The following FAM168A variants were observed in gnomAD, a reference collection of about 807,000 sequenced individuals.
FAM168A encodes protein FAM168A.
FAM168A carries 3 observed loss-of-function variants against 28.5 expected under a neutral mutation model. That is an observed-to-expected ratio of 0.11 (90% CI 0.05 to 0.27). The LOEUF (loss-of-function observed/expected upper bound fraction) is 0.27. Ranked by LOEUF, FAM168A falls within the 10% of genes least tolerant of loss-of-function variation. The pLI is 1.00. For missense variants in FAM168A, 222 were observed against 311.5 expected (o/e 0.71, Z 2.16); for synonymous variants, 122 against 124.2 (o/e 0.98, Z 0.12).
chr11:73,419,015 T>C (rs1242547898), intron 4 of FAM168A, among the ~76,000 whole-genome samples: 1 of 152,108 alleles, frequency 6.6e-6, no homozygotes, highest in African/African-American at 2.4e-5. Context: ...TTTCACCGTG[T>C]TAGCCAGGAT....
chr11:73,459,152 T>C (rs951743102), intron 2 of FAM168A, among the ~76,000 whole-genome samples: 3 of 151,558 alleles, frequency 2.0e-5, no homozygotes, highest in African/African-American at 7.3e-5. Flanking sequence ...GGCGTAATCA[T>C]GGCTCACTGC....
At chr11:73,540,847 T>C (rs1943644685) in intron 1 of FAM168A, among the ~76,000 whole-genome samples, 1 of 152,208 alleles carries the variant, frequency 6.6e-6, no homozygotes, top group Admixed American at 6.5e-5. Flanking sequence ...TGGTTACAAC[T>C]GTATCTCCAG....
chr11:73,521,121 G>A (rs1379785566), intron 1 of FAM168A, among the ~76,000 whole-genome samples: 2 of 152,200 alleles, frequency 1.3e-5, no homozygotes, highest in Non-Finnish European at 2.9e-5. Context: ...TAATAAGACT[G>A]ATTATAGCCT....
chr11:73,441,636 G>A (rs138128415), intron 2 of FAM168A, among the ~76,000 whole-genome samples: 6 of 152,272 alleles, frequency 3.9e-5, no homozygotes, highest in East Asian at 1.9e-4. Flanking sequence ...CACCAATGAC[G>A]CCATCTGGTC....
At chr11:73,486,216 T>G (rs1277120776) in intron 1 of FAM168A, among the ~76,000 whole-genome samples, 1 of 152,182 alleles carries the variant, frequency 6.6e-6, no homozygotes, top group African/African-American at 2.4e-5. Context: ...AACACAAAAT[T>G]GACTACTTTA....
intron 2 of FAM168A, among the ~76,000 whole-genome samples, chr11:73,456,778 G>A (rs995000901): frequency 6.6e-6 from 1 of 152,248 alleles, no homozygotes; most frequent in African/African-American, 2.4e-5. Context: ...GCAGTATGCA[G>A]AGGGAGAGTT....
intron 1 of FAM168A, among the ~76,000 whole-genome samples, chr11:73,508,040 T>C (rs1855149682): frequency 6.6e-6 from 1 of 152,188 alleles, no homozygotes; most frequent in Non-Finnish European, 1.5e-5. Context: ...TGTGTAATCT[T>C]GGGCATAGTT....
intron 3 of FAM168A, chr11:73,430,139 CAA>C (rs1421650797): frequency 1.3e-5 from 2 of 158,020 alleles, no homozygotes; most frequent in African/African-American, 2.4e-5. Context: ...TCAACATTTT[CAA>C]ACCCATTTCA....
In FAM168A at chr11:73,472,633, C is replaced by T. The variant is rs112930464; in HGVS notation, c.-18-4141G>A. 4.6e-4 allele frequency among the ~76,000 whole-genome samples: 70 copies of T among 152,188 alleles called. 1 individual carries two copies. Among genetic ancestry groups the T allele is most frequent in the African/African-American group, 1.6e-3 (67 of 41,516 alleles). ...AAAGCAAGAAGAGTAGTAGGGCAAT[C>T]GGGAGGTTTTAGAAACAGTTCAGAT... On this transcript the variant is annotated intron_variant, in intron 1 of 7. Coordinates refer to ENST00000356467, the MANE Select transcript of FAM168A (RefSeq NM_015159.3).
intron 4 of FAM168A, 106 bp downstream of exon 4, chr11:73,419,765 CATT>C: frequency 7.2e-7 from 1 of 1,394,938 alleles, no homozygotes; most frequent in Non-Finnish European, 9.7e-7. Context: ...CCTCTTAAAA[CATT>C]ATTTATCTCA....
At chr11:73,570,595 A>G (rs1944074491) in intron 1 of FAM168A, among the ~76,000 whole-genome samples, 1 of 152,114 alleles carries the variant, frequency 6.6e-6, no homozygotes, top group Non-Finnish European at 1.5e-5. Flanking sequence ...TTAGCTGGGC[A>G]TGATGGCATG....
intron 1 of FAM168A, among the ~76,000 whole-genome samples, chr11:73,494,052 T>G (rs1372569502): frequency 6.6e-6 from 1 of 152,074 alleles, no homozygotes; most frequent in Non-Finnish European, 1.5e-5. Context: ...ACCTATGGAG[T>G]GCCCCACTGG....
intron 1 of FAM168A, among the ~76,000 whole-genome samples, chr11:73,552,970 A>G (rs1565295539): frequency 6.6e-6 from 1 of 152,164 alleles, no homozygotes; most frequent in Non-Finnish European, 1.5e-5. Context: ...CAATCAATCA[A>G]TCAATCAATA....
intron 1 of FAM168A, among the ~76,000 whole-genome samples, chr11:73,571,185 G>A (rs1944081682): frequency 6.6e-6 from 1 of 150,684 alleles, no homozygotes; most frequent in Non-Finnish European, 1.5e-5. Flanking sequence ...CTAATACACT[G>A]CAGCATTCAG....
rs1159721290 is a variant in FAM168A, at chr11:73,548,078, GGAA to G, written c.-19+49842_-19+49844del. Among the ~76,000 whole-genome samples the G allele has an allele frequency of 5.3e-5, 8 of 152,282 alleles. No individual in the cohort carries two copies. In the South Asian group the frequency reaches 1.7e-3, roughly 32 times the overall value. On this transcript the variant is annotated intron_variant, in intron 1 of 7. Coordinates refer to ENST00000356467, the MANE Select transcript of FAM168A (RefSeq NM_015159.3). ...GTAAAATTGTGGTTGTCAGGAACTTGGAAGAAGGAGGAAGGGAGAGTTGTTGTT... is the reference window on the plus strand; with the variant it reads ...GTAAAATTGTGGTTGTCAGGAACTTGGAAGGAGGAAGGGAGAGTTGTTGTT...
In FAM168A at chr11:73,469,406, A is replaced by AT. The variant is rs556433251; in HGVS notation, c.-18-915dup. On this transcript the variant is annotated intron_variant, in intron 1 of 7. Transcript: ENST00000356467. ...ACTAGGTTCACAAGATAGATGAGCA[A>AT]TTTTTTAGGTCATTAACTTCTCTTG... Among the ~76,000 whole-genome samples the AT allele has an allele frequency of 8.5e-5, 13 of 152,322 alleles. No individual in the cohort carries two copies. The South Asian group carries it at 2.7e-3, about 32-fold the overall frequency.
chr11:73,592,536 G>A (rs541395055), intron 1 of FAM168A, among the ~76,000 whole-genome samples: 1 of 152,262 alleles, frequency 6.6e-6, no homozygotes, highest in East Asian at 1.9e-4. Context: ...GCTATGGCCC[G>A]CCCATGGCCT....
chr11:73,460,008 G>A (rs1006492924), intron 2 of FAM168A, among the ~76,000 whole-genome samples: 2 of 150,872 alleles, frequency 1.3e-5, no homozygotes, highest in Non-Finnish European at 1.5e-5. Context: ...ACCCTCCTGA[G>A]TAACTGGGAG....
At chr11:73,480,063 T>G (rs933318619) in intron 1 of FAM168A, among the ~76,000 whole-genome samples, 1 of 152,206 alleles carries the variant, frequency 6.6e-6, no homozygotes, top group Non-Finnish European at 1.5e-5. Flanking sequence ...CTTTCTACAT[T>G]TTATAATACT....
Sources: allele counts gnomAD v4.1 joint callset (sites outside exome capture counted in the v4.1 genomes callset), GRCh38; gene constraint gnomAD v4.1.1; transcripts MANE v1.5; gene names NCBI Gene and HGNC (gene_info 2026-07-23, HGNC 2026-07-21).